ANO6: variants seen among roughly 807,000 people sequenced by gnomAD.
The protein encoded by ANO6 is anoctamin-6.
A neutral mutation model predicts 117.5 loss-of-function variants in ANO6; 106 were observed. The observed-to-expected ratio is 0.90, with a 90% confidence interval of 0.77 to 1.06. The LOEUF is 1.06. Ranked by LOEUF, ANO6 falls within the 50% of genes least tolerant of loss-of-function variation. The probability of loss-of-function intolerance (pLI) is 0.00; values close to 1 mark genes in which losing one functional copy is unlikely to be tolerated. For missense variants in ANO6, 955 were observed against 1,121.1 expected, an observed-to-expected ratio of 0.85 and a Z score of 2.12; for synonymous variants, 367 against 385.1, an observed-to-expected ratio of 0.95 and a Z score of 0.55.
chr12:45,391,249 A>T (rs1942442573), intron 12 of ANO6, among the ~76,000 whole-genome samples: 1 of 152,246 alleles, frequency 6.6e-6, no homozygotes, highest in Admixed American at 6.5e-5. Flanking sequence ...ATGATTCTAG[A>T]TAGAAACACA....
At position 45,226,984 on chromosome 12, in the gene ANO6, CTTTTTTTTTTT is replaced by C. The variant is rs906373347; in HGVS notation, c.70+10604_70+10614del. On this transcript the variant is annotated intron_variant, in intron 1 of 19. Transcript: ENST00000320560. The stretch of plus-strand genomic sequence containing the variant: ...AAAAATTAACAAAAATTATCATTTT[CTTTTTTTTTTT>C]TTTTTTTTTTGAAGATGGAGTCTTG... Among the ~76,000 whole-genome samples the C allele has an allele frequency of 1.6e-4, 18 of 112,766 alleles. 1 individual carries two copies. The highest frequency in any genetic ancestry group is 4.7e-3 in the Middle Eastern group (1 of 214). The allele number at this position is 112,766 out of a possible 152,430, so 74.0% of individuals were successfully genotyped here.
intron 1 of ANO6, among the ~76,000 whole-genome samples, chr12:45,291,286 C>T (rs1362343446): frequency 1.5e-5 from 2 of 135,576 alleles, no homozygotes; most frequent in East Asian, 4.4e-4. Flanking sequence ...GCGGAGGTTG[C>T]GGTGAGCCAA....
intron 19 of ANO6, among the ~76,000 whole-genome samples, chr12:45,426,462 A>G (rs1943505108): frequency 6.6e-6 from 1 of 152,094 alleles, no homozygotes; most frequent in Non-Finnish European, 1.5e-5. Flanking sequence ...AGTTGCCAGT[A>G]CATGCTGTCC....
intron 1 of ANO6, among the ~76,000 whole-genome samples, chr12:45,286,602 A>G (rs1269079113): frequency 2.0e-5 from 3 of 152,222 alleles, no homozygotes; most frequent in Non-Finnish European, 2.9e-5. Context: ...TTAATAAACT[A>G]TCATCAGCAA....
intron 3 of ANO6, among the ~76,000 whole-genome samples, chr12:45,340,462 A>T (rs1179982105): frequency 6.6e-6 from 1 of 152,182 alleles, no homozygotes; most frequent in Non-Finnish European, 1.5e-5. Flanking sequence ...ATTTGCTCCC[A>T]TAGAGATGTA....
At chr12:45,249,741 A>C (rs1187871376) in intron 1 of ANO6, among the ~76,000 whole-genome samples, 3 of 152,206 alleles carry the variant, frequency 2.0e-5, no homozygotes, top group South Asian at 2.1e-4. Context: ...GAATCCCCAA[A>C]AATAATTCAA....
At position 45,420,803 on chromosome 12, in the gene ANO6, G is replaced by A. The variant is rs569783651; in HGVS notation, c.2218-268G>A. Among the ~76,000 whole-genome samples, 357 of 106,958 alleles carry A rather than the reference G, an allele frequency of 3.3e-3. 2 individuals carry two copies. Among genetic ancestry groups the A allele is most frequent in the African/African-American group, 0.016 (307 of 19,488 alleles). 70.2% of individuals were successfully genotyped at this position (106,958 alleles called of 152,430 possible). A position where few individuals can be genotyped will look rare whatever the true frequency, so the allele number is the denominator to read the frequency against. ...AGGTGGGCAGATCACCTGAGACCAG[G>A]AGTTCGAGACCAGGAGTTCAAGACC... On this transcript the variant is annotated intron_variant, in intron 17 of 19. Coordinates refer to ENST00000320560, the MANE Select transcript of ANO6 (RefSeq NM_001025356.3).
chr12:45,415,928 T>C (rs1943201522), intron 16 of ANO6, among the ~76,000 whole-genome samples: 1 of 152,158 alleles, frequency 6.6e-6, no homozygotes, highest in Non-Finnish European at 1.5e-5. Flanking sequence ...AACTTGAGGA[T>C]ATTTTCTTAC....
rs201070310 is a variant in ANO6 at position 45,317,132 on chromosome 12, T to TA, written c.151-14163_151-14162insA. ...TTATATGTATATATATATATATATA[T>TA]TTATTATACTTTAAGTTCCAGGGTA... On this transcript the variant is annotated intron_variant, in intron 2 of 19. Transcript: ENST00000320560. 3.2e-4 allele frequency among the ~76,000 whole-genome samples: 34 copies of TA among 107,262 alleles called. 3 individuals carry two copies. The highest frequency in any genetic ancestry group is 6.4e-4 in the Non-Finnish European group (29 of 45,366). The allele number at this position is 107,262 out of a possible 152,430, so 70.4% of individuals were successfully genotyped here. A position where few individuals can be genotyped will look rare whatever the true frequency, so the allele number is the denominator to read the frequency against.
chr12:45,393,759 A>G (rs896925970), intron 12 of ANO6, among the ~76,000 whole-genome samples: 1 of 152,178 alleles, frequency 6.6e-6, no homozygotes, highest in Non-Finnish European at 1.5e-5. Flanking sequence ...TTCATAAGTG[A>G]AGGAGAAATA....
intron 1 of ANO6, among the ~76,000 whole-genome samples, chr12:45,253,863 TCAC>T (rs1937712609): frequency 1.3e-5 from 2 of 152,186 alleles, no homozygotes; most frequent in Non-Finnish European, 2.9e-5. Flanking sequence ...ATGTAATAAT[TCAC>T]CATTCATCAG....
intron 1 of ANO6, among the ~76,000 whole-genome samples, chr12:45,222,753 T>C (rs1279824217): frequency 6.6e-6 from 1 of 152,214 alleles, no homozygotes; most frequent in Non-Finnish European, 1.5e-5. Context: ...CCATCTACCT[T>C]GTCTGAATGT....
intron 3 of ANO6, chr12:45,335,666 C>G (rs1940803326): frequency 6.6e-6 from 1 of 151,866 alleles, no homozygotes; most frequent in African/African-American, 2.4e-5. Context: ...CTTAAAAAGT[C>G]CAAAATTAGA....
At chr12:45,327,009 G>A (rs1339144556) in intron 2 of ANO6, among the ~76,000 whole-genome samples, 1 of 152,130 alleles carries the variant, frequency 6.6e-6, no homozygotes, top group Non-Finnish European at 1.5e-5. Context: ...GAACCACATG[G>A]AATCATATAG....
At chr12:45,277,056 A>G (rs1938576913) in intron 1 of ANO6, among the ~76,000 whole-genome samples, 1 of 151,838 alleles carries the variant, frequency 6.6e-6, no homozygotes, top group Admixed American at 6.6e-5. Context: ...ATTATAATTT[A>G]TCTATTTTTC....
chr12:45,293,052 G>T, intron 1 of ANO6: 3 of 1,413,880 alleles, frequency 2.1e-6, no homozygotes. Flanking sequence ...GGTCTTGAAG[G>T]GACACTGTAT....
At chr12:45,344,766 G>A (rs1051504614) in intron 3 of ANO6, among the ~76,000 whole-genome samples, 1 of 152,180 alleles carries the variant, frequency 6.6e-6, no homozygotes, top group Non-Finnish European at 1.5e-5. Context: ...TAAGGACTGG[G>A]CTCCTATGTA....
chr12:45,216,210 A>T lies in ANO6; in HGVS notation c.-112A>T. On this transcript the variant is annotated 5_prime_UTR_variant, in exon 1 of 20. Coordinates refer to ENST00000320560, the MANE Select transcript of ANO6 (RefSeq NM_001025356.3). Reference sequence around the variant, plus strand: ...GCTGGGCTCAGCGGCCCCTGAGCCCAAGCGACACACGCCCCGCGGTCCCCG... The same window carrying T: ...GCTGGGCTCAGCGGCCCCTGAGCCCTAGCGACACACGCCCCGCGGTCCCCG... 1.6e-6 allele frequency: 2 copies of T among 1,287,076 alleles called. No homozygotes were observed. The highest frequency in any genetic ancestry group is 2.2e-6 in the Non-Finnish European group (2 of 914,074). The allele number at this position is 1,287,076 out of a possible 1,614,324, so 79.7% of individuals were successfully genotyped here.
chr12:45,425,702 C>T (rs1187501168), intron 19 of ANO6, among the ~76,000 whole-genome samples: 1 of 152,130 alleles, frequency 6.6e-6, no homozygotes, highest in Non-Finnish European at 1.5e-5. Flanking sequence ...CTTTTTAAAA[C>T]AGATCATTTC....
Sources: gnomAD v4.1 joint callset for allele counts (sites outside exome capture counted in the v4.1 genomes callset) on GRCh38, gnomAD v4.1.1 for gene constraint, MANE v1.5 for transcripts, NCBI Gene and HGNC (gene_info 2026-07-23, HGNC 2026-07-21) for gene names.